The following FRMD5 variants were observed in gnomAD, a reference collection of about 807,000 sequenced individuals.
FRMD5 encodes FERM domain-containing protein 5.
Under a neutral mutation model 69.0 loss-of-function variants are expected in FRMD5, and 20 were observed. That is an observed-to-expected ratio of 0.29 (90% CI 0.20 to 0.42). The LOEUF (loss-of-function observed/expected upper bound fraction) is 0.42, where lower values mean the gene tolerates loss of function less well. Ranked by LOEUF, FRMD5 falls within the 10% of genes least tolerant of loss-of-function variation. The pLI, the probability that FRMD5 is intolerant of heterozygous loss-of-function variation, is 1.00. For synonymous variants in FRMD5, 271 were observed against 260.1 expected (o/e 1.04, Z -0.40); for missense variants, 595 against 708.6 (o/e 0.84, Z 1.82).
rs1251380191 is a variant in FRMD5 at position 44,065,592 on chromosome 15, A to G, written c.102+129361T>C. ...AGGTTGACTTAGACAGTTTAATATA[A>G]AAGTTTGGGACTGGGTTTATCCTTG... On this transcript the variant is annotated intron_variant, in intron 1 of 13. Transcript: ENST00000417257. Among the ~76,000 whole-genome samples the G allele has an allele frequency of 4.6e-5, 7 of 152,228 alleles. No individual in the cohort carries two copies. In the East Asian group the frequency reaches 1.3e-3, roughly 29 times the overall value.
chr15:44,067,795 C>G (rs1412750650), intron 1 of FRMD5, among the ~76,000 whole-genome samples: 1 of 152,042 alleles, frequency 6.6e-6, no homozygotes, highest in East Asian at 1.9e-4. Flanking sequence ...AGTGAAAACA[C>G]AACCCACAGA....
intron 1 of FRMD5, among the ~76,000 whole-genome samples, chr15:44,064,521 G>A (rs891544626): frequency 6.6e-6 from 1 of 152,112 alleles, no homozygotes; most frequent in Non-Finnish European, 1.5e-5. Flanking sequence ...CTCGGGATGC[G>A]GAGGGTGTGA....
At chr15:44,147,193 G>T (rs1442426705) in intron 1 of FRMD5, among the ~76,000 whole-genome samples, 1 of 151,992 alleles carries the variant, frequency 6.6e-6, no homozygotes, top group Non-Finnish European at 1.5e-5. Context: ...GTCCGGTTTC[G>T]ATTTTCTGCA....
chr15:44,059,199 C>T (rs540956368), intron 1 of FRMD5, among the ~76,000 whole-genome samples: 1 of 152,176 alleles, frequency 6.6e-6, no homozygotes, highest in African/African-American at 2.4e-5. Flanking sequence ...CTATGATATA[C>T]AAGGTATTAT....
At chr15:43,928,153 T>A (rs1009173917) in intron 1 of FRMD5, among the ~76,000 whole-genome samples, 6 of 152,036 alleles carry the variant, frequency 3.9e-5, no homozygotes, top group African/African-American at 1.4e-4. Flanking sequence ...ACCTGGTGAA[T>A]CCCCCTGCTC....
intron 13 of FRMD5, among the ~76,000 whole-genome samples, chr15:43,874,891 A>G (rs573379602): frequency 6.6e-6 from 1 of 151,874 alleles, no homozygotes; most frequent in Admixed American, 6.6e-5. Context: ...CAGAGTGAGT[A>G]AGATTCCATC....
intron 1 of FRMD5, among the ~76,000 whole-genome samples, chr15:44,020,891 G>T (rs1449994029): frequency 6.6e-6 from 1 of 152,062 alleles, no homozygotes. Flanking sequence ...AAATGCAGTG[G>T]TACACCATTA....
At chr15:44,018,987 T>C (rs958805034) in intron 1 of FRMD5, among the ~76,000 whole-genome samples, 2 of 152,070 alleles carry the variant, frequency 1.3e-5, no homozygotes, top group African/African-American at 2.4e-5. Context: ...CTCTGCCTCC[T>C]GGGTTCAAGC....
At chr15:44,192,911 G>T (rs1025821004) in intron 1 of FRMD5, among the ~76,000 whole-genome samples, 1 of 152,056 alleles carries the variant, frequency 6.6e-6, no homozygotes, top group Non-Finnish European at 1.5e-5. Context: ...TTTTTAGGTG[G>T]CCTAGATATT....
At chr15:43,888,704 A>G in intron 9 of FRMD5, 105 bp downstream of exon 9, 1 of 909,648 alleles carries the variant, frequency 1.1e-6, no homozygotes. Context: ...TTGGCTTAGT[A>G]TGTGGGTAGC....
intron 1 of FRMD5, among the ~76,000 whole-genome samples, chr15:43,988,160 GC>G (rs200461547): frequency 4.6e-5 from 7 of 152,010 alleles, no homozygotes; most frequent in African/African-American, 1.5e-4. Context: ...AGCTTCTCTT[GC>G]CCCCCCACCA....
chr15:44,182,339 T>G (rs1378856509), intron 1 of FRMD5, among the ~76,000 whole-genome samples: 4 of 143,678 alleles, frequency 2.8e-5, no homozygotes, highest in Admixed American at 7.0e-5. Context: ...TTTTTTTTTT[T>G]TTTTTTCTGA....
At chr15:44,178,452 G>A (rs1024600786) in intron 1 of FRMD5, among the ~76,000 whole-genome samples, 1 of 152,206 alleles carries the variant, frequency 6.6e-6, no homozygotes, top group African/African-American at 2.4e-5. Context: ...CACCCTTACT[G>A]AGTTCTATAA....
chr15:43,910,448 A>G (rs1555382694), intron 4 of FRMD5, among the ~76,000 whole-genome samples: 1 of 152,062 alleles, frequency 6.6e-6, no homozygotes, highest in Non-Finnish European at 1.5e-5. Context: ...GAATCTGTCC[A>G]TATGTGGAAA....
At chr15:44,046,143 TG>T (rs1892418877) in intron 1 of FRMD5, among the ~76,000 whole-genome samples, 1 of 152,112 alleles carries the variant, frequency 6.6e-6, no homozygotes, top group East Asian at 1.9e-4. Flanking sequence ...AATGAATGAA[TG>T]AAGTTCTCCT....
At chr15:44,000,228 T>G (rs929876686) in intron 1 of FRMD5, among the ~76,000 whole-genome samples, 1 of 151,788 alleles carries the variant, frequency 6.6e-6, no homozygotes, top group Non-Finnish European at 1.5e-5. Flanking sequence ...GCTCAAGTGA[T>G]CCTCCTGCTC....
chr15:44,149,453 G>T (rs2077409341), intron 1 of FRMD5, among the ~76,000 whole-genome samples: 1 of 151,980 alleles, frequency 6.6e-6, no homozygotes, highest in Non-Finnish European at 1.5e-5. Context: ...TGGGTTAAAT[G>T]CTCCAATCAA....
At chr15:44,181,403 G>A (rs1330639716) in intron 1 of FRMD5, among the ~76,000 whole-genome samples, 1 of 151,978 alleles carries the variant, frequency 6.6e-6, no homozygotes, top group Non-Finnish European at 1.5e-5. Context: ...AAATAGTAAG[G>A]AGATGTCCCA....
chr15:44,144,361 C>T (rs1000879820), intron 1 of FRMD5, among the ~76,000 whole-genome samples: 3 of 152,196 alleles, frequency 2.0e-5, no homozygotes, highest in Non-Finnish European at 4.4e-5. Context: ...TGAATGTTCC[C>T]TCTTATCTCT....
Sources: allele counts gnomAD v4.1 joint callset (sites outside exome capture counted in the v4.1 genomes callset), GRCh38; gene constraint gnomAD v4.1.1; transcripts MANE v1.5; gene names NCBI Gene and HGNC (gene_info 2026-07-23, HGNC 2026-07-21).